ZNF600: variants seen among roughly 807,000 people sequenced by gnomAD.
ZNF600 encodes zinc finger protein 600.
Under a neutral mutation model 7.3 loss-of-function variants are expected in ZNF600, and 4 were observed. The observed-to-expected ratio is 0.55, with a 90% CI of 0.27 to 1.25. The LOEUF (loss-of-function observed/expected upper bound fraction) is 1.25, where lower values mean the gene tolerates loss of function less well. ZNF600 is among the 50% of genes most tolerant of loss of function. ZNF600 has a pLI of 0.12. For missense variants in ZNF600, 911 were observed against 922.1 expected, an observed-to-expected ratio of 0.99 and a Z score of 0.16; for synonymous variants, 290 against 308.9, an observed-to-expected ratio of 0.94 and a Z score of 0.64.
At chr19:52,774,249 G>A (rs1323482064) in intron 3 of ZNF600, among the ~76,000 whole-genome samples, 1 of 151,586 alleles carries the variant, frequency 6.6e-6, no homozygotes, top group African/African-American at 2.4e-5. Flanking sequence ...GACCAACATA[G>A]AGAAACCCCG....
chr19:52,768,466 G>C (rs895289731), intron 3 of ZNF600, among the ~76,000 whole-genome samples: 6 of 149,316 alleles, frequency 4.0e-5, no homozygotes, highest in African/African-American at 1.5e-4. Flanking sequence ...CAAAAAAAAA[G>C]TTAATTCAAT....
chr19:52,769,495 G>A lies in ZNF600; in HGVS notation c.191-1723C>T, dbSNP rs144337307. 7.3e-3 allele frequency among the ~76,000 whole-genome samples: 1,114 copies of A among 152,258 alleles called. 13 individuals are homozygous for A. Among genetic ancestry groups the A allele is most frequent in the Non-Finnish European group, 0.011 (718 of 68,010 alleles). On this transcript the variant is annotated intron_variant, in intron 3 of 3. Transcript: ENST00000648973. ...CCTGTCTAGTGGACAGGTGACCCAC[G>A]TGACCTTACCTATCACTGGAGATGG...
chr19:52,765,609 T>A, exon 4 of ZNF600: 1 of 1,613,866 alleles, frequency 6.2e-7, no homozygotes. Context: ...CCCTACACCA[T>A]GAACTGCCTG....
chr19:52,787,655 G>A (rs1353851828), upstream of ZNF600, among the ~76,000 whole-genome samples: 2 of 151,160 alleles, frequency 1.3e-5, no homozygotes, highest in African/African-American at 2.4e-5. Context: ...TCAGGAGATC[G>A]AGACCATCCT....
At chr19:52,778,989 C>A in intron 1 of ZNF600, 82 bp from the exon 4 acceptor site, 5 of 1,320,526 alleles carry the variant, frequency 3.8e-6, no homozygotes, top group Non-Finnish European at 5.1e-6. Flanking sequence ...CAGGGGAGAC[C>A]TCACCCAGCA....
chr19:52,807,673 G>C, the ZNF600 span, among the ~76,000 whole-genome samples: 2 of 152,100 alleles, frequency 1.3e-5, no homozygotes, highest in Admixed American at 6.6e-5. Context: ...CAGGGTTTCT[G>C]CATGTTGGCC....
chr19:52,795,246 C>T, the ZNF600 span, among the ~76,000 whole-genome samples: 1 of 152,114 alleles, frequency 6.6e-6, no homozygotes, highest in Admixed American at 6.5e-5. Context: ...GAATAATAGG[C>T]TACATGAACT....
At chr19:52,769,243 C>T (rs1192829798) in intron 3 of ZNF600, among the ~76,000 whole-genome samples, 1 of 152,092 alleles carries the variant, frequency 6.6e-6, no homozygotes, top group Non-Finnish European at 1.5e-5. Flanking sequence ...TCAGTCAGGC[C>T]CACCTGCAGT....
At chr19:52,809,944 C>G in the ZNF600 span, 1 of 850,422 alleles carries the variant, frequency 1.2e-6, no homozygotes, top group Non-Finnish European at 2.0e-6. Context: ...GAGGTTGCCC[C>G]GGGGGGCGCA....
intron 3 of ZNF600, 47 bp from the exon 6 acceptor site, chr19:52,767,819 A>G (rs1177597429): frequency 6.6e-7 from 1 of 1,518,986 alleles, no homozygotes; most frequent in East Asian, 2.3e-5. Context: ...TACAGATGGT[A>G]AATCATACTG....
At chr19:52,766,177 T>G (rs2062573300) in exon 4 of ZNF600, 2 of 1,614,142 alleles carry the variant, frequency 1.2e-6, no homozygotes, top group East Asian at 4.5e-5. Context: ...TCATTACACT[T>G]GTAAGGTTTC....
chr19:52,767,475 T>C, exon 4 of ZNF600: 1 of 1,614,190 alleles, frequency 6.2e-7, no homozygotes, highest in Non-Finnish European at 8.5e-7. Context: ...TTCAGGCAGA[T>C]GTGAATAAAA....
At chr19:52,800,175 T>C in the ZNF600 span, 1 of 1,613,556 alleles carries the variant, frequency 6.2e-7, no homozygotes, top group Admixed American at 1.7e-5. Context: ...GAAAACTTTC[T>C]CACATTCTTC....
the ZNF600 span, chr19:52,810,378 G>C: frequency 6.2e-7 from 1 of 1,605,014 alleles, no homozygotes; most frequent in Non-Finnish European, 8.5e-7. Context: ...TCATGGCTGT[G>C]GTTCAGTCAA....
chr19:52,795,445 A>T, the ZNF600 span, among the ~76,000 whole-genome samples: 1 of 150,580 alleles, frequency 6.6e-6, no homozygotes, highest in Non-Finnish European at 1.5e-5. Context: ...AGTGGTTAAA[A>T]AAATATATAT....
At chr19:52,818,469 C>T in the ZNF600 span, among the ~76,000 whole-genome samples, 1 of 151,986 alleles carries the variant, frequency 6.6e-6, no homozygotes, top group Admixed American at 6.6e-5. Flanking sequence ...TACCAACACT[C>T]TGAAAGGCCG....
the ZNF600 span, among the ~76,000 whole-genome samples, chr19:52,815,831 A>G: frequency 6.8e-6 from 1 of 146,882 alleles, no homozygotes; most frequent in Non-Finnish European, 1.5e-5. Flanking sequence ...TCTCAAAAAA[A>G]ATAAATAACT....
upstream of ZNF600, among the ~76,000 whole-genome samples, chr19:52,790,581 G>A (rs7252166): frequency 0.29 from 43,744 of 151,822 alleles, 6,876 homozygotes; most frequent in East Asian, 0.73. Context: ...GTCTAAAGTC[G>A]GAATTACTTG....
At chr19:52,786,970 C>A (rs530563272), upstream of ZNF600, among the ~76,000 whole-genome samples, 2 of 152,228 alleles carry the variant, frequency 1.3e-5, no homozygotes, top group Admixed American at 6.5e-5. Context: ...GCCAGGAAGG[C>A]TGAGGCATGA....
Sources: allele counts gnomAD v4.1 joint callset (sites outside exome capture counted in the v4.1 genomes callset), GRCh38; gene constraint gnomAD v4.1.1; transcripts MANE v1.5; gene names NCBI Gene and HGNC (gene_info 2026-07-23, HGNC 2026-07-21).